Variants in HLA-DRA observed in about 807,000 individuals in gnomAD.
HLA-DRA encodes the protein HLA class II histocompatibility antigen, DR alpha chain.
HLA-DRA carries 8 observed loss-of-function variants against 22.1 expected under a neutral mutation model. The observed-to-expected ratio is 0.36, with a 90% CI of 0.21 to 0.65. The LOEUF (loss-of-function observed/expected upper bound fraction) is 0.65, where lower values mean the gene tolerates loss of function less well. HLA-DRA is among the 30% of genes least tolerant of loss of function. The pLI is 0.63. For missense variants in HLA-DRA, 248 were observed against 321.3 expected (o/e 0.77, Z 1.74); for synonymous variants, 101 against 117.1 (o/e 0.86, Z 0.89).
rs756633767 is a variant in HLA-DRA, at chr6:32,439,992, A to T, written c.42A>T (p.Ile14=). 1.9e-6 allele frequency: 3 copies of T among 1,614,118 alleles called. No homozygotes were observed. In the Admixed American group the frequency reaches 5.0e-5, roughly 27 times the overall value. The part of the protein sequence containing the change: ...SGVPVLGFFI[I]AVLMSAQESW... Reference sequence around the variant, plus strand: ...TCCCTGTGCTAGGATTTTTCATCATAGCTGTGCTGATGAGCGCTCAGGAAT... The same window carrying T: ...TCCCTGTGCTAGGATTTTTCATCATTGCTGTGCTGATGAGCGCTCAGGAAT... Residue 14 remains isoleucine (I), a synonymous_variant, in exon 1 of 5, where the codon ATA becomes ATT. Transcript: ENST00000395388.
In HLA-DRA at chr6:32,442,667, G is replaced by A. The variant is rs1762692043; in HGVS notation, c.302G>A (p.Arg101His). ...DKANLEIMTK[R>H]SNYTPITNVP... The stretch of plus-strand genomic sequence containing the variant: ...GCCAACCTGGAAATCATGACAAAGC[G>A]CTCCAACTATACTCCGATCACCAAT... The change falls in exon 2 of 5, where the codon CGC (arginine) becomes CAC (histidine). Residue 101 changes from arginine (R) to histidine (H), a missense_variant. Transcript: ENST00000395388. The A allele has an allele frequency of 3.1e-6, 5 of 1,613,040 alleles. No homozygotes were observed. Among genetic ancestry groups the A allele is most frequent in the South Asian group, 2.2e-5 (2 of 91,084 alleles).
rs1394433600 is a variant in HLA-DRA at position 32,440,051 on chromosome 6, A to G, written c.82+19A>G. 1 of 1,600,564 alleles carries G rather than the reference A, an allele frequency of 6.2e-7. No individual in the cohort carries two copies. Among genetic ancestry groups the G allele is most frequent in the Admixed American group, 1.7e-5 (1 of 59,982 alleles). ...ATCAAAGGTAGGTGCTGAGGGAATG[A>G]AATCTGGGACGATAGACTACGAAGC... On this transcript the variant is annotated intron_variant, in intron 1 of 4. Transcript: ENST00000395388.
intron 2 of HLA-DRA, 99 bp from the exon 3 acceptor site, chr6:32,443,085 GT>G (rs950763741): frequency 1.8e-6 from 2 of 1,092,928 alleles, no homozygotes; most frequent in African/African-American, 3.1e-5. Flanking sequence ...CAGCTTTAGG[GT>G]TTTTAGATAC....
chr6:32,441,409 AG>A (rs1163053064), intron 1 of HLA-DRA, among the ~76,000 whole-genome samples: 11 of 141,298 alleles, frequency 7.8e-5, no homozygotes, highest in African/African-American at 2.7e-4. Context: ...TTGAAGACTA[AG>A]GAAAAAAAAA....
chr6:32,442,093 G>A (rs1240425796), intron 1 of HLA-DRA, among the ~76,000 whole-genome samples: 2 of 152,182 alleles, frequency 1.3e-5, no homozygotes, highest in African/African-American at 4.8e-5. Context: ...TAAAGAAAGT[G>A]AGAGAACATT....
At chr6:32,442,399 C>T (rs1033784982) in intron 1 of HLA-DRA, 49 bp from the exon 2 acceptor site, 2 of 1,608,760 alleles carry the variant, frequency 1.2e-6, no homozygotes, top group Non-Finnish European at 1.7e-6. Context: ...TCATTTCCCT[C>T]TCTTGATTCC....
At chr6:32,441,141 G>T (rs1239711222) in intron 1 of HLA-DRA, among the ~76,000 whole-genome samples, 1 of 152,112 alleles carries the variant, frequency 6.6e-6, no homozygotes, top group Non-Finnish European at 1.5e-5. Flanking sequence ...GGCGGATCAT[G>T]AGGTCAAGAG....
Position 32,443,772 on chromosome 6 carries a change from C to G in HLA-DRA, c.627C>G (p.Ser209Arg). Residue 209 changes from serine (S) to arginine (R), a missense_variant, in exon 4 of 5, where the codon AGC becomes AGG. Transcript: ENST00000395388. ...LLKHWEFDAP[S>R]PLPETTENVV... is the part of the protein sequence containing the mutation. ...TCCCCCCAGAGTTTGATGCTCCAAGCCCTCTCCCAGAGACTACAGAGAACG... is the reference window on the plus strand; with the variant it reads ...TCCCCCCAGAGTTTGATGCTCCAAGGCCTCTCCCAGAGACTACAGAGAACG... The G allele has an allele frequency of 6.3e-7, 1 of 1,598,568 alleles. No individual in the cohort carries two copies. Among genetic ancestry groups the G allele is most frequent in the Non-Finnish European group, 8.5e-7 (1 of 1,174,080 alleles).
chr6:32,442,356 C>T (rs187427445), intron 1 of HLA-DRA, 92 bp from the exon 2 acceptor site: 2 of 1,470,228 alleles, frequency 1.4e-6, no homozygotes, highest in African/African-American at 2.8e-5. Context: ...CAATCTCTCT[C>T]CACTACTTCC....
rs770380561 is a variant in HLA-DRA, at chr6:32,443,853, C to T, written c.708C>T (p.Ile236=). ...VGLVGIIIGT[I]FIIKGLRKSN... is the part of the protein sequence containing the mutation. The stretch of plus-strand genomic sequence containing the variant: ...TGGTGGGCATCATTATTGGGACCAT[C>T]TTCATCATCAAGGGATTGCGCAAAA... The change falls in exon 4 of 5, where the codon ATC becomes ATT. Residue 236 remains isoleucine (I), a synonymous_variant. Coordinates refer to ENST00000395388, the MANE Select transcript of HLA-DRA (RefSeq NM_019111.5). 1.3e-6 allele frequency: 2 copies of T among 1,597,652 alleles called. No individual in the cohort carries two copies. Among genetic ancestry groups the T allele is most frequent in the Admixed American group, 1.7e-5 (1 of 59,654 alleles).
chr6:32,441,716 C>T (rs1386709719), intron 1 of HLA-DRA, among the ~76,000 whole-genome samples: 1 of 152,092 alleles, frequency 6.6e-6, no homozygotes, highest in Admixed American at 6.6e-5. Context: ...ACTTCAGTCC[C>T]CAGGTATATT....
chr6:32,444,099 T>A (rs941958282), intron 4 of HLA-DRA, among the ~76,000 whole-genome samples, 178 bp downstream of exon 4: 2 of 152,172 alleles, frequency 1.3e-5, no homozygotes, highest in African/African-American at 4.8e-5. Flanking sequence ...AGCTTCAGGG[T>A]CTGTCATCCC....
chr6:32,442,683 G>A lies in HLA-DRA; in HGVS notation c.318G>A (p.Pro106=), dbSNP rs763663867. The change falls in exon 2 of 5, where the codon CCG becomes CCA. Residue 106 remains proline, a synonymous_variant. Transcript: ENST00000395388. ...TGACAAAGCGCTCCAACTATACTCC[G>A]ATCACCAATGGTACCTCCCTCTCTG... ...EIMTKRSNYT[P]ITNVPPEVTV... The A allele has an allele frequency of 1.4e-5, 22 of 1,612,878 alleles. No homozygotes were observed. The highest frequency in any genetic ancestry group is 4.4e-5 in the South Asian group (4 of 91,068).
chr6:32,442,816 C>G, intron 2 of HLA-DRA, 123 bp downstream of exon 2: 1 of 1,188,304 alleles, frequency 8.4e-7, no homozygotes, highest in Non-Finnish European at 1.2e-6. Flanking sequence ...TTGCCATTAA[C>G]AAGCCCCAAA....
intron 1 of HLA-DRA, among the ~76,000 whole-genome samples, chr6:32,441,019 C>T (rs752196480): frequency 1.9e-4 from 29 of 152,160 alleles, no homozygotes; most frequent in African/African-American, 4.3e-4. Flanking sequence ...TAGATGCAAA[C>T]GGTAAATAAA....
At chr6:32,440,430 GAAA>G (rs9279659) in intron 1 of HLA-DRA, among the ~76,000 whole-genome samples, 29 of 151,782 alleles carry the variant, frequency 1.9e-4, no homozygotes, top group Admixed American at 6.6e-4. Context: ...AGAATTAAAT[GAAA>G]AAAAAAAAGT....
chr6:32,440,272 C>T (rs2150370218), intron 1 of HLA-DRA, among the ~76,000 whole-genome samples: 1 of 117,058 alleles, frequency 8.5e-6, no homozygotes, highest in Non-Finnish European at 1.6e-5. Context: ...TAGCAAGGTC[C>T]TGCTACAAGC....
At chr6:32,440,452 C>T (rs898372403) in intron 1 of HLA-DRA, among the ~76,000 whole-genome samples, 5 of 151,972 alleles carry the variant, frequency 3.3e-5, no homozygotes, top group African/African-American at 1.2e-4. Flanking sequence ...GTTATTAGCC[C>T]TGTTCTTATC....
intron 3 of HLA-DRA, 76 bp downstream of exon 3, chr6:32,443,542 T>C (rs1383044894): frequency 1.5e-6 from 2 of 1,333,164 alleles, no homozygotes; most frequent in Non-Finnish European, 2.1e-6. Flanking sequence ...GTGTTCTAAC[T>C]GTTTCATAAT....
Sources: allele counts gnomAD v4.1 joint callset (sites outside exome capture counted in the v4.1 genomes callset), GRCh38; gene constraint gnomAD v4.1.1; transcripts MANE v1.5; gene names NCBI Gene and HGNC (gene_info 2026-07-23, HGNC 2026-07-21).